VHL: variants seen among roughly 807,000 people sequenced by gnomAD.
VHL encodes von Hippel-Lindau tumor suppressor, also known as von Hippel-Lindau disease tumor suppressor.
A neutral mutation model predicts 19.2 loss-of-function variants in VHL; 10 were observed. The observed-to-expected ratio is 0.52, with a 90% CI of 0.32 to 0.89. The LOEUF (loss-of-function observed/expected upper bound fraction) is 0.89. Ranked by LOEUF, VHL falls within the 40% of genes least tolerant of loss-of-function variation. VHL has a pLI of 0.03. For missense variants in VHL, 328 were observed against 292.7 expected (o/e 1.12, Z -0.88); for synonymous variants, 167 against 129.5 (o/e 1.29, Z -1.97).
chr3:10,149,675 A>T, intron 2 of VHL, 112 bp from the exon 3 acceptor site: 1 of 946,044 alleles, frequency 1.1e-6, no homozygotes, highest in Non-Finnish European at 1.7e-6. Flanking sequence ...TTTTTTCTTT[A>T]ACCTAAAGTG....
chr3:10,142,520 A>G, intron 1 of VHL: 1 of 338,894 alleles, frequency 3.0e-6, no homozygotes, highest in Non-Finnish European at 5.5e-6. Flanking sequence ...TGATTTTTAT[A>G]TTTTTAGTAG....
intron 1 of VHL, among the ~76,000 whole-genome samples, chr3:10,145,755 C>G (rs1696240652): frequency 2.0e-5 from 3 of 151,414 alleles, no homozygotes; most frequent in Admixed American, 6.6e-5. Context: ...AATTTACATA[C>G]AGTAAAATGC....
At chr3:10,146,186 T>TG (rs1696250165) in intron 1 of VHL, among the ~76,000 whole-genome samples, 1 of 151,236 alleles carries the variant, frequency 6.6e-6, no homozygotes, top group Admixed American at 6.6e-5. Context: ...TTTTTTTTTT[T>TG]TTTTGGAGAC....
In VHL at chr3:10,146,561, G is replaced by A. The variant is rs104893830; in HGVS notation, c.388G>A (p.Val130Ile). The A allele has an allele frequency of 6.2e-7, 1 of 1,614,016 alleles. No homozygotes were observed. Among genetic ancestry groups the A allele is most frequent in the Non-Finnish European group, 8.5e-7 (1 of 1,179,936 alleles). The part of the protein sequence containing the change: ...RDAGTHDGLL[V>I]NQTELFVPSL... ...TGCAGGGACACACGATGGGCTTCTG[G>A]TTAACCAAACTGAATTATTTGTGCC... Residue 130 changes from valine (V) to isoleucine (I), a missense_variant, in exon 2 of 3, where the codon GTT (valine) becomes ATT (isoleucine). Coordinates refer to ENST00000256474, the MANE Select transcript of VHL (RefSeq NM_000551.4).
At position 10,141,891 on chromosome 3, in the gene VHL, C is replaced by T. The variant is rs1159027899; in HGVS notation, c.44C>T (p.Ala15Val). ...AENWDEAEVG[A>V]EEAGVEEYGP... is the part of the protein sequence containing the mutation. ...AACTGGGACGAGGCCGAGGTAGGCG[C>T]GGAGGAGGCAGGCGTCGAAGAGTAC... Residue 15 changes from alanine (A) to valine (V), a missense_variant, in exon 1 of 3, where the codon GCG becomes GTG. Coordinates refer to ENST00000256474, the MANE Select transcript of VHL (RefSeq NM_000551.4). 1 of 1,532,432 alleles carries T rather than the reference C, an allele frequency of 6.5e-7. No individual in the cohort carries two copies. Among genetic ancestry groups the T allele is most frequent in the Non-Finnish European group, 8.8e-7 (1 of 1,137,254 alleles). 94.9% of individuals were successfully genotyped at this position (1,532,432 alleles called of 1,614,324 possible).
intron 1 of VHL, among the ~76,000 whole-genome samples, chr3:10,144,033 C>T (rs1447443562): frequency 6.6e-6 from 1 of 152,166 alleles, no homozygotes; most frequent in African/African-American, 2.4e-5. Flanking sequence ...ACTTAATACA[C>T]TTTTACACCA....
chr3:10,144,229 G>A lies in VHL; in HGVS notation c.340+2042G>A, dbSNP rs145361181. Among the ~76,000 whole-genome samples the A allele has an allele frequency of 3.0e-4, 46 of 152,140 alleles. No individual in the cohort carries two copies. The East Asian group carries it at 4.2e-3, about 14-fold the overall frequency. Reference sequence around the variant, plus strand: ...TGCCTGTGATCTCAGCACTTTGGGAGGCTGAGGCAGGAGGATTTCTTGAGC... The same window carrying A: ...TGCCTGTGATCTCAGCACTTTGGGAAGCTGAGGCAGGAGGATTTCTTGAGC... On this transcript the variant is annotated intron_variant, in intron 1 of 2. Coordinates refer to ENST00000256474, the MANE Select transcript of VHL (RefSeq NM_000551.4).
chr3:10,146,963 A>C (rs1469730540), intron 2 of VHL, among the ~76,000 whole-genome samples: 1 of 152,128 alleles, frequency 6.6e-6, no homozygotes, highest in Non-Finnish European at 1.5e-5. Flanking sequence ...GTTCCAGGAG[A>C]ACAATGTGTA....
In VHL at chr3:10,152,623, G is replaced by C. The variant is rs963596914; in HGVS notation, c.*2658G>C. 6.7e-6 allele frequency among the ~76,000 whole-genome samples: 1 copy of C among 148,888 alleles called. No homozygotes were observed. The highest frequency in any genetic ancestry group is 2.1e-4 in the East Asian group (1 of 4,708). On this transcript the variant is annotated 3_prime_UTR_variant, in exon 3 of 3. Transcript: ENST00000256474. ...TTCTCCTGGCTCACCCTCCTGAGTA[G>C]CTGGGATTACAGGCGCCTGCCACCA...
At chr3:10,149,655 T>G (rs1696350984) in intron 2 of VHL, 132 bp from the exon 3 acceptor site, 1 of 770,772 alleles carries the variant, frequency 1.3e-6, no homozygotes, top group Middle Eastern at 3.5e-4. Context: ...GCCACATACA[T>G]GCACTCACTT....
intron 2 of VHL, 27 bp from the exon 3 acceptor site, chr3:10,149,760 C>A (rs1335030995): frequency 6.2e-7 from 1 of 1,603,468 alleles, no homozygotes; most frequent in African/African-American, 1.3e-5. Context: ...TAGTCTGCCA[C>A]TGAGGATTTG....
Position 10,142,948 on chromosome 3 carries a change from T to C in VHL, c.340+761T>C, listed in dbSNP as rs2125126074. On this transcript the variant is annotated intron_variant, in intron 1 of 2. Transcript: ENST00000256474. Reference sequence around the variant, plus strand: ...TGCTGGGAGATGGAGGGGTTGCGGTTGTGTGGTTTCAGTTAAGGAGCACTT... The same window carrying C: ...TGCTGGGAGATGGAGGGGTTGCGGTCGTGTGGTTTCAGTTAAGGAGCACTT... The C allele has an allele frequency of 6.6e-6, 1 of 152,506 alleles. No homozygotes were observed. The highest frequency in any genetic ancestry group is 1.5e-5 in the Non-Finnish European group (1 of 68,312). The allele number at this position is 152,506 out of a possible 1,614,324, so 9.4% of individuals were successfully genotyped here.
rs919338576 is a variant in VHL, at chr3:10,141,884, G to A, written c.37G>A (p.Val13Ile). 1 of 1,533,652 alleles carries A rather than the reference G, an allele frequency of 6.5e-7. No homozygotes were observed. Among genetic ancestry groups the A allele is most frequent in the African/African-American group, 1.4e-5 (1 of 72,322 alleles). ...RRAENWDEAE[V>I]GAEEAGVEEY... ...GGCGGAGAACTGGGACGAGGCCGAG[G>A]TAGGCGCGGAGGAGGCAGGCGTCGA... The change falls in exon 1 of 3, where the codon GTA becomes ATA. Residue 13 changes from valine (V) to isoleucine (I), a missense_variant. Physicochemically the swap from Val to Ile is conservative, Grantham distance 29. Transcript: ENST00000256474.
rs1696378321 is a variant in VHL, at chr3:10,150,315, C to T, written c.*350C>T. ...TCGTTTAATTTTAAGAAGGCATTGG[C>T]ATCTGCTTTTAATGGATGTATAATA... On this transcript the variant is annotated 3_prime_UTR_variant, in exon 3 of 3. Coordinates refer to ENST00000256474, the MANE Select transcript of VHL (RefSeq NM_000551.4). 1.7e-5 allele frequency: 21 copies of T among 1,269,688 alleles called. No individual in the cohort carries two copies. Among genetic ancestry groups the T allele is most frequent in the Non-Finnish European group, 2.1e-5 (21 of 994,280 alleles). 78.7% of individuals were successfully genotyped at this position (1,269,688 alleles called of 1,614,324 possible).
intron 2 of VHL, among the ~76,000 whole-genome samples, chr3:10,147,230 T>G (rs1256671390): frequency 2.0e-5 from 3 of 152,088 alleles, no homozygotes; most frequent in Non-Finnish European, 4.4e-5. Flanking sequence ...CAGGATGGTC[T>G]CCATCTCCTG....
chr3:10,147,452 C>T (rs1696290149), intron 2 of VHL, among the ~76,000 whole-genome samples: 2 of 151,604 alleles, frequency 1.3e-5, no homozygotes, highest in South Asian at 4.1e-4. Context: ...GCAACCTCTG[C>T]ATCCTGGGTT....
rs1575937759 is a variant in VHL at position 10,153,576 on chromosome 3, A to G, written c.*3611A>G. 1.3e-5 allele frequency among the ~76,000 whole-genome samples: 2 copies of G among 151,098 alleles called. No individual in the cohort carries two copies. Among genetic ancestry groups the G allele is most frequent in the Non-Finnish European group, 2.9e-5 (2 of 67,920 alleles). On this transcript the variant is annotated 3_prime_UTR_variant, in exon 3 of 3. Transcript: ENST00000256474. ...GAATGTATTAAATATATCGCTCTTA[A>G]GAGACGGTGAAGTTCCTATTTCAAG...
rs1236159514 is a variant in VHL, at chr3:10,141,937, G to GGAGGAGTCGGGCGCC, written c.99_113dup (p.Ala35_Gly39dup). 24 of 1,540,718 alleles carry GGAGGAGTCGGGCGCC rather than the reference G, an allele frequency of 1.6e-5. No individual in the cohort carries two copies. Among genetic ancestry groups the GGAGGAGTCGGGCGCC allele is most frequent in the African/African-American group, 6.9e-5 (5 of 72,616 alleles). ...AGTACGGCCCTGAAGAAGACGGCGG[G>GGAGGAGTCGGGCGCC]GAGGAGTCGGGCGCCGAGGAGTCCG... is the stretch of plus-strand genomic sequence containing the variant. On this transcript the variant is annotated inframe_insertion, in exon 1 of 3. Transcript: ENST00000256474.
Position 10,141,932 on chromosome 3 carries a change from G to C in VHL, c.85G>C (p.Gly29Arg), listed in dbSNP as rs1277221408. 3 of 1,540,064 alleles carry C rather than the reference G, an allele frequency of 1.9e-6. No homozygotes were observed. Among genetic ancestry groups the C allele is most frequent in the Non-Finnish European group, 2.6e-6 (3 of 1,141,346 alleles). Reference sequence around the variant, plus strand: ...CGAAGAGTACGGCCCTGAAGAAGACGGCGGGGAGGAGTCGGGCGCCGAGGA... The same window carrying C: ...CGAAGAGTACGGCCCTGAAGAAGACCGCGGGGAGGAGTCGGGCGCCGAGGA... Reference protein sequence around the residue: ...GVEEYGPEEDGGEESGAEESG... With the variant: ...GVEEYGPEEDRGEESGAEESG... Residue 29 changes from glycine (G) to arginine (R), a missense_variant, in exon 1 of 3, where the codon GGC (glycine) becomes CGC (arginine). Gly to Arg is a moderately radical substitution (Grantham distance 125). Coordinates refer to ENST00000256474, the MANE Select transcript of VHL (RefSeq NM_000551.4).
Sources: allele counts gnomAD v4.1 joint callset (sites outside exome capture counted in the v4.1 genomes callset), GRCh38; gene constraint gnomAD v4.1.1; transcripts MANE v1.5; gene names NCBI Gene and HGNC (gene_info 2026-07-23, HGNC 2026-07-21).